Variants in TNKS2 observed in about 807,000 individuals in gnomAD.
TNKS2 encodes poly [ADP-ribose] polymerase tankyrase-2.
Under a neutral mutation model 137.6 loss-of-function variants are expected in TNKS2, and 72 were observed. That is an observed-to-expected ratio of 0.52 (90% CI 0.43 to 0.64). The LOEUF (loss-of-function observed/expected upper bound fraction) is 0.64, where lower values mean the gene tolerates loss of function less well. Among genes scored for constraint, TNKS2 ranks in the 30% least tolerant of loss-of-function variants. The pLI, the probability that TNKS2 is intolerant of heterozygous loss-of-function variation, is 0.00. For synonymous variants in TNKS2, 516 were observed against 512.1 expected, an observed-to-expected ratio of 1.01 and a Z score of -0.10; for missense variants, 1,049 against 1,410.2, an observed-to-expected ratio of 0.74 and a Z score of 4.10.
intron 1 of TNKS2, among the ~76,000 whole-genome samples, chr10:91,801,449 A>T (rs984288029): frequency 6.6e-5 from 10 of 151,540 alleles, no homozygotes; most frequent in Non-Finnish European, 1.5e-5. Flanking sequence ...GCCCCCGACC[A>T]TACGCAGATA....
Position 91,857,416 on chromosome 10 carries a change from T to A in TNKS2, c.2989-9T>A. On this transcript the variant is annotated splice_polypyrimidine_tract_variant and intron_variant, in intron 23 of 26. Coordinates refer to ENST00000371627, the MANE Select transcript of TNKS2 (RefSeq NM_025235.4). ...TAAAGATTTGATTTTTCTGGTTTATTTTTTATAGATTCAGAAGGTTTGTAA... is the reference window on the plus strand; with the variant it reads ...TAAAGATTTGATTTTTCTGGTTTATATTTTATAGATTCAGAAGGTTTGTAA... 1 of 1,579,908 alleles carries A rather than the reference T, an allele frequency of 6.3e-7. No homozygotes were observed. The highest frequency in any genetic ancestry group is 8.6e-7 in the Non-Finnish European group (1 of 1,160,574).
chr10:91,855,240 CTG>C (rs1178760046), intron 22 of TNKS2, 114 bp downstream of exon 22: 2 of 706,868 alleles, frequency 2.8e-6, no homozygotes, highest in Non-Finnish European at 4.8e-6. Context: ...CCTATAAAAT[CTG>C]TTTTCAAGCT....
At chr10:91,848,348 C>G in intron 18 of TNKS2, 35 bp from the exon 19 acceptor site, 6 of 1,591,904 alleles carry the variant, frequency 3.8e-6, no homozygotes, top group Non-Finnish European at 5.1e-6. Context: ...TTAAAACTTG[C>G]TTATGGCAGA....
At chr10:91,838,351 A>G (rs989993537) in intron 13 of TNKS2, among the ~76,000 whole-genome samples, 3 of 152,232 alleles carry the variant, frequency 2.0e-5, no homozygotes, top group Admixed American at 1.3e-4. Context: ...ATTTATCTCC[A>G]TCAGCCATTC....
In TNKS2 at chr10:91,842,034, C is replaced by G. The variant is rs1842222678; in HGVS notation, c.1840-138C>G. 5.7e-6 allele frequency: 3 copies of G among 526,914 alleles called. No individual in the cohort carries two copies. The African/African-American group carries it at 5.8e-5, about 10-fold the overall frequency. 32.6% of individuals were successfully genotyped at this position (526,914 alleles called of 1,614,324 possible). A position where few individuals can be genotyped will look rare whatever the true frequency, so the allele number is the denominator to read the frequency against. ...TAATTCTTTGTATAAACATTAGTAA[C>G]AGTGATGTTAACCTTCAAAGTAGAG... On this transcript the variant is annotated intron_variant, in intron 15 of 26. Transcript: ENST00000371627.
At position 91,833,915 on chromosome 10, in the gene TNKS2, A is replaced by G; in HGVS notation, c.1338A>G (p.Leu446=). ...ACAGAGCTGCATATTGTGGTCATCT[A>G]CAAACCTGCCGCCTACTCCTGAGCT... is the stretch of plus-strand genomic sequence containing the variant. ...SLHRAAYCGH[L]QTCRLLLSYG... The change falls in exon 12 of 27, where the codon CTA becomes CTG. Residue 446 remains leucine (L), a synonymous_variant. Transcript: ENST00000371627. The G allele has an allele frequency of 1.2e-6, 2 of 1,613,970 alleles. No individual in the cohort carries two copies. The highest frequency in any genetic ancestry group is 1.7e-6 in the Non-Finnish European group (2 of 1,179,906).
At chr10:91,822,155 A>T in intron 6 of TNKS2, 141 bp from the exon 7 acceptor site, 1 of 629,938 alleles carries the variant, frequency 1.6e-6, no homozygotes, top group East Asian at 3.0e-5. Context: ...GATGTTACTA[A>T]ATTTTGAACA....
At chr10:91,850,813 G>A (rs1842519416) in intron 20 of TNKS2, among the ~76,000 whole-genome samples, 1 of 152,182 alleles carries the variant, frequency 6.6e-6, no homozygotes, top group African/African-American at 2.4e-5. Flanking sequence ...AGTAAAACAG[G>A]ATTTTAAAGA....
intron 1 of TNKS2, chr10:91,807,532 C>T (rs1309672982): frequency 1.8e-6 from 2 of 1,133,190 alleles, no homozygotes; most frequent in Non-Finnish European, 2.7e-6. Context: ...CGACGCGAGT[C>T]CTGCAATGCC....
chr10:91,851,887 G>A (rs1461039875), intron 21 of TNKS2, among the ~76,000 whole-genome samples: 1 of 152,196 alleles, frequency 6.6e-6, no homozygotes, highest in East Asian at 1.9e-4. Flanking sequence ...AATGCAAATT[G>A]CATTTATTCA....
At chr10:91,856,346 GAATT>G (rs1480235226) in intron 23 of TNKS2, among the ~76,000 whole-genome samples, 2 of 152,092 alleles carry the variant, frequency 1.3e-5, no homozygotes, top group African/African-American at 4.8e-5. Context: ...AAATAAGACA[GAATT>G]AATATGTGAC....
intron 1 of TNKS2, among the ~76,000 whole-genome samples, chr10:91,809,225 G>T (rs1411008058): frequency 6.6e-6 from 1 of 152,072 alleles, no homozygotes; most frequent in African/African-American, 2.4e-5. Context: ...CAACGTATGT[G>T]AAAAAAAGTG....
intron 1 of TNKS2, among the ~76,000 whole-genome samples, chr10:91,812,491 G>A (rs1173505768): frequency 1.3e-5 from 2 of 152,162 alleles, no homozygotes; most frequent in Non-Finnish European, 2.9e-5. Flanking sequence ...TTAGCTGTGA[G>A]CAGATCTTTT....
Position 91,855,055 on chromosome 10 carries a change from A to C in TNKS2, c.2842A>C (p.Thr948Pro). 6.2e-7 allele frequency: 1 copy of C among 1,610,368 alleles called. No individual in the cohort carries two copies. Among genetic ancestry groups the C allele is most frequent in the Non-Finnish European group, 8.5e-7 (1 of 1,177,202 alleles). ...QGLNPYLTLN[T>P]SGSGTILIDL... Reference sequence around the variant, plus strand: ...TCTTAACCCATATTTAACTTTGAACACCTCTGGTAGTGGAACAATTCTTAT... The same window carrying C: ...TCTTAACCCATATTTAACTTTGAACCCCTCTGGTAGTGGAACAATTCTTAT... Residue 948 changes from threonine (T) to proline (P), a missense_variant, in exon 22 of 27, where the codon ACC becomes CCC. Thr to Pro is a conservative substitution (Grantham distance 38). This residue lies in a region of TNKS2 where 208 missense variants were observed against 231.2 expected (regional missense o/e 0.90). Transcript: ENST00000371627.
chr10:91,830,731 ATAGG>A (rs1414524425), intron 9 of TNKS2, among the ~76,000 whole-genome samples, 188 bp from the exon 10 acceptor site: 13 of 152,324 alleles, frequency 8.5e-5, no homozygotes, highest in South Asian at 2.1e-4. Flanking sequence ...ATATTATCTG[ATAGG>A]TAGGATTTTC....
In TNKS2 at chr10:91,849,521, T is replaced by C. The variant is rs1187794128; in HGVS notation, c.2621T>C (p.Val874Ala). Residue 874 changes from valine to alanine, a missense_variant, in exon 20 of 27, where the codon GTA becomes GCA. Physicochemically the swap from Val to Ala is moderately conservative, Grantham distance 64. Around this residue, in one of 6 missense-constraint regions of TNKS2, gnomAD observed 208 missense variants for 231.2 expected, o/e 0.90. Transcript: ENST00000371627. ...TTTTTTTATTTCCCAGTTCCAGGAG[T>C]AGATTTTAGCATAACTCAATTCGTA... ...SSLEKKEVPG[V>A]DFSITQFVRN... is the part of the protein sequence containing the mutation. The C allele has an allele frequency of 1.2e-6, 2 of 1,609,388 alleles. No homozygotes were observed. The highest frequency in any genetic ancestry group is 1.7e-6 in the Non-Finnish European group (2 of 1,178,684).
intron 12 of TNKS2, among the ~76,000 whole-genome samples, chr10:91,836,243 C>T (rs1830905294): frequency 6.6e-6 from 1 of 151,722 alleles, no homozygotes; most frequent in Non-Finnish European, 1.5e-5. Context: ...TTTTTTGATG[C>T]TGCTTTTGAT....
In TNKS2 at chr10:91,827,052, A is replaced by G. The variant is rs1360568411; in HGVS notation, c.831A>G (p.Gln277=). 6.3e-7 allele frequency: 1 copy of G among 1,599,726 alleles called. No homozygotes were observed. The highest frequency in any genetic ancestry group is 1.1e-5 in the South Asian group (1 of 88,156). Residue 277 remains glutamine (Q), a synonymous_variant, in exon 8 of 27, where the codon CAA becomes CAG. Transcript: ENST00000371627. The stretch of plus-strand genomic sequence containing the variant: ...GTGTAAATGCAATGGACTTGTGGCA[A>G]TTCACTCCTCTTCATGAGGCAGCTT... ...GACVNAMDLW[Q]FTPLHEAASK...
chr10:91,801,187 A>G (rs2133580533), intron 1 of TNKS2, among the ~76,000 whole-genome samples: 1 of 152,362 alleles, frequency 6.6e-6, no homozygotes, highest in African/African-American at 2.4e-5. Context: ...ATTAGTTTAG[A>G]AAACATTTGC....
Sources: gnomAD v4.1 joint callset for allele counts (sites outside exome capture counted in the v4.1 genomes callset) on GRCh38, gnomAD v4.1.1 for gene constraint, gnomAD v4.1.1 regional missense constraint, MANE v1.5 for transcripts, NCBI Gene and HGNC (gene_info 2026-07-23, HGNC 2026-07-21) for gene names.